The following GLYATL3 variants were observed in gnomAD, a reference collection of about 807,000 sequenced individuals.
GLYATL3 encodes the protein glycine N-acyltransferase-like protein 3.
Under a neutral mutation model 28.5 loss-of-function variants are expected in GLYATL3, and 31 were observed. The observed-to-expected ratio is 1.09, with a 90% confidence interval of 0.82 to 1.47. The LOEUF is 1.47. GLYATL3 is among the 40% of genes most tolerant of loss of function. The pLI, the probability that GLYATL3 is intolerant of heterozygous loss-of-function variation, is 0.00. For synonymous variants in GLYATL3, 141 were observed against 140.2 expected, an observed-to-expected ratio of 1.01 and a Z score of -0.04; for missense variants, 369 against 351.5, an observed-to-expected ratio of 1.05 and a Z score of -0.40.
chr6:49,524,130 C>G (rs1478645361), intron 5 of GLYATL3, among the ~76,000 whole-genome samples: 1 of 152,132 alleles, frequency 6.6e-6, no homozygotes, highest in Non-Finnish European at 1.5e-5. Flanking sequence ...GTCAGAGTCT[C>G]TAACACAACT....
intron 1 of GLYATL3, among the ~76,000 whole-genome samples, chr6:49,507,361 A>G (rs1313429385): frequency 6.6e-6 from 1 of 152,138 alleles, no homozygotes; most frequent in East Asian, 1.9e-4. Flanking sequence ...ATCCCAGTCT[A>G]ACAGGTCCAT....
chr6:49,508,551 C>T (rs973093017), intron 1 of GLYATL3, among the ~76,000 whole-genome samples: 3 of 152,132 alleles, frequency 2.0e-5, no homozygotes, highest in Non-Finnish European at 2.9e-5. Flanking sequence ...TCCATATGGA[C>T]AGGTGCCCCT....
At chr6:49,517,260 A>G (rs1305357240) in intron 3 of GLYATL3, among the ~76,000 whole-genome samples, 170 bp from the exon 4 acceptor site, 1 of 152,024 alleles carries the variant, frequency 6.6e-6, no homozygotes, top group East Asian at 1.9e-4. Flanking sequence ...TCCCCTCACT[A>G]CAGCATATTA....
intron 1 of GLYATL3, among the ~76,000 whole-genome samples, chr6:49,504,604 A>C (rs1224687702): frequency 6.6e-6 from 1 of 152,166 alleles, no homozygotes; most frequent in Non-Finnish European, 1.5e-5. Flanking sequence ...AGGGGTAGAC[A>C]ACTCCTTATC....
At chr6:49,507,137 AT>A (rs982474788) in intron 1 of GLYATL3, among the ~76,000 whole-genome samples, 4 of 152,114 alleles carry the variant, frequency 2.6e-5, no homozygotes, top group Non-Finnish European at 5.9e-5. Context: ...GAGAGATCAA[AT>A]TCTCCCTCAT....
chr6:49,526,569 T>C lies in GLYATL3; in HGVS notation c.522T>C (p.Asn174=). 6.4e-7 allele frequency: 1 copy of C among 1,551,834 alleles called. No homozygotes were observed. Residue 174 remains asparagine (N), a synonymous_variant, in exon 6 of 6, where the codon AAT becomes AAC. Coordinates refer to ENST00000371197, the MANE Select transcript of GLYATL3 (RefSeq NM_001010904.2). ...ACCGGACTTGGTCCCGGGGAGGCAA[T>C]GAACAATGTCTCCGGTACATCGCCA... is the stretch of plus-strand genomic sequence containing the variant. ...LLNRTWSRGG[N]EQCLRYIANL...
chr6:49,500,634 T>C (rs952009653), intron 1 of GLYATL3, among the ~76,000 whole-genome samples: 1 of 152,200 alleles, frequency 6.6e-6, no homozygotes, highest in African/African-American at 2.4e-5. Flanking sequence ...AAAACTTACA[T>C]GAGCATAATT....
intron 1 of GLYATL3, among the ~76,000 whole-genome samples, chr6:49,502,417 A>G (rs1768931676): frequency 6.6e-6 from 1 of 152,198 alleles, no homozygotes; most frequent in Non-Finnish European, 1.5e-5. Flanking sequence ...GCTTATGTCT[A>G]AACTTAAATT....
At chr6:49,501,146 T>C (rs1273622824) in intron 1 of GLYATL3, among the ~76,000 whole-genome samples, 1 of 152,146 alleles carries the variant, frequency 6.6e-6, no homozygotes, top group Non-Finnish European at 1.5e-5. Flanking sequence ...ACACCTGTAA[T>C]CCCAGCACTT....
chr6:49,518,478 C>A lies in GLYATL3; in HGVS notation c.313+922C>A, dbSNP rs188699902. 3.4e-3 allele frequency among the ~76,000 whole-genome samples: 518 copies of A among 152,188 alleles called. 4 individuals carry two copies. The highest frequency in any genetic ancestry group is 0.012 in the African/African-American group (500 of 41,530). On this transcript the variant is annotated intron_variant, in intron 4 of 5. Coordinates refer to ENST00000371197, the MANE Select transcript of GLYATL3 (RefSeq NM_001010904.2). Reference sequence around the variant, plus strand: ...GTTCCAGTGAAATGAGTTCCTTGATCATTTAACAGGAAAGTAGGGAACCTC... The same window carrying A: ...GTTCCAGTGAAATGAGTTCCTTGATAATTTAACAGGAAAGTAGGGAACCTC...
At chr6:49,526,384 G>T in intron 5 of GLYATL3, 104 bp from the exon 6 acceptor site, 2 of 982,086 alleles carry the variant, frequency 2.0e-6, no homozygotes, top group Non-Finnish European at 3.0e-6. Context: ...CTGCACTCCA[G>T]CCTGGGCGAC....
chr6:49,512,327 T>G (rs189790075), intron 2 of GLYATL3, among the ~76,000 whole-genome samples: 1 of 149,956 alleles, frequency 6.7e-6, no homozygotes, highest in East Asian at 2.0e-4. Context: ...ATGCATGTGC[T>G]GAATGTGCAG....
At chr6:49,509,111 C>T (rs554211427) in intron 1 of GLYATL3, among the ~76,000 whole-genome samples, 9 of 152,220 alleles carry the variant, frequency 5.9e-5, no homozygotes, top group African/African-American at 2.2e-4. Flanking sequence ...CAAACTGAAT[C>T]ATGAAACTAA....
In GLYATL3 at chr6:49,526,772, G is replaced by T. The variant is rs1485427910; in HGVS notation, c.725G>T (p.Gly242Val). The change falls in exon 6 of 6, where the codon GGA becomes GTA. Residue 242 changes from glycine to valine, a missense_variant. By Grantham distance (109) the Gly-to-Val change is moderately radical. Coordinates refer to ENST00000371197, the MANE Select transcript of GLYATL3 (RefSeq NM_001010904.2). ...CTGGCCAGGAAGTTGCAAAGCCGGG[G>T]ATTCCCCTCTCAGGGGAACGTCCTG... ...LTLARKLQSR[G>V]FPSQGNVLDD... 1.3e-6 allele frequency: 2 copies of T among 1,551,874 alleles called. No individual in the cohort carries two copies. The highest frequency in any genetic ancestry group is 2.7e-5 in the African/African-American group (2 of 73,156).
At position 49,527,401 on chromosome 6, in the gene GLYATL3, G is replaced by C. The variant is rs1264555063; in HGVS notation, c.*487G>C. On this transcript the variant is annotated 3_prime_UTR_variant, in exon 6 of 6. Coordinates refer to ENST00000371197, the MANE Select transcript of GLYATL3 (RefSeq NM_001010904.2). ...CCTCTGCCACCAAGTTCTCTGTAGA[G>C]TAACCTCCTTTTTCCCCTTTAATTA... Among the ~76,000 whole-genome samples the C allele has an allele frequency of 6.6e-6, 1 of 152,138 alleles. No homozygotes were observed. The highest frequency in any genetic ancestry group is 1.5e-5 in the Non-Finnish European group (1 of 68,014).
intron 1 of GLYATL3, among the ~76,000 whole-genome samples, chr6:49,510,233 G>T (rs1024166169): frequency 6.6e-6 from 1 of 151,700 alleles, no homozygotes; most frequent in Non-Finnish European, 1.5e-5. Context: ...GTAGAGACAG[G>T]GTTTCTCCAT....
Position 49,526,805 on chromosome 6 carries a change from A to C in GLYATL3, c.758A>C (p.Asn253Thr), listed in dbSNP as rs1009384361. The change falls in exon 6 of 6, where the codon AAC becomes ACC. Residue 253 changes from asparagine to threonine, a missense_variant. By Grantham distance (65) the Asn-to-Thr change is moderately conservative. Coordinates refer to ENST00000371197, the MANE Select transcript of GLYATL3 (RefSeq NM_001010904.2). Reference sequence around the variant, plus strand: ...TCTCAGGGGAACGTCCTGGATGACAACACGGCGTCTATAAGCCTCCTGAAG... The same window carrying C: ...TCTCAGGGGAACGTCCTGGATGACACCACGGCGTCTATAAGCCTCCTGAAG... ...FPSQGNVLDD[N>T]TASISLLKSL... The C allele has an allele frequency of 6.4e-7, 1 of 1,552,014 alleles. No homozygotes were observed.
chr6:49,511,844 AG>A (rs1382628943), intron 1 of GLYATL3, 118 bp from the exon 2 acceptor site: 39 of 488,876 alleles, frequency 8.0e-5, no homozygotes, highest in Non-Finnish European at 1.3e-4. Context: ...TTCCCTCTTC[AG>A]GGGGAGCAAT....
At chr6:49,520,488 G>A (rs180784828) in intron 4 of GLYATL3, among the ~76,000 whole-genome samples, 2 of 152,256 alleles carry the variant, frequency 1.3e-5, no homozygotes, top group East Asian at 3.9e-4. Flanking sequence ...AGGAGCCAAG[G>A]CTCCGATACC....
Sources: allele counts gnomAD v4.1 joint callset (sites outside exome capture counted in the v4.1 genomes callset), GRCh38; gene constraint gnomAD v4.1.1; transcripts MANE v1.5; gene names NCBI Gene and HGNC (gene_info 2026-07-23, HGNC 2026-07-21).